SLCO2A1: variants seen among roughly 807,000 people sequenced by gnomAD.
SLCO2A1 encodes matrin F/G 1.
Under a neutral mutation model 71.7 loss-of-function variants are expected in SLCO2A1, and 60 were observed. That is an observed-to-expected ratio of 0.84 (90% CI 0.68 to 1.04). The LOEUF is 1.04. Among genes scored for constraint, SLCO2A1 ranks in the 50% least tolerant of loss-of-function variants. The probability of loss-of-function intolerance (pLI) is 0.00; values close to 1 mark genes in which losing one functional copy is unlikely to be tolerated. For missense variants in SLCO2A1, 745 were observed against 813.4 expected (o/e 0.92, Z 1.02); for synonymous variants, 308 against 326.7 (o/e 0.94, Z 0.62).
At chr3:133,949,058 G>T in intron 6 of SLCO2A1, 87 bp from the exon 7 acceptor site, 3 of 1,195,598 alleles carry the variant, frequency 2.5e-6, no homozygotes, top group Non-Finnish European at 3.7e-6. Flanking sequence ...GGCCTCAGAA[G>T]CTCAGGGCTG....
At position 133,943,662 on chromosome 3, in the gene SLCO2A1, G is replaced by C. The variant is rs182244472; in HGVS notation, c.1462-894C>G. On this transcript the variant is annotated intron_variant, in intron 10 of 13. Coordinates refer to ENST00000310926, the MANE Select transcript of SLCO2A1 (RefSeq NM_005630.3). ...GTTTTTGTCTTGAGGTATGTATGCT[G>C]TTACGGGAAACTTGCCAAGATTATT... Among the ~76,000 whole-genome samples, 960 of 152,126 alleles carry C rather than the reference G, an allele frequency of 6.3e-3. 11 individuals are homozygous for C. The highest frequency in any genetic ancestry group is 0.022 in the African/African-American group (902 of 41,486).
intron 1 of SLCO2A1, among the ~76,000 whole-genome samples, chr3:133,985,858 T>C (rs911807571): frequency 9.9e-5 from 15 of 152,224 alleles, no homozygotes; most frequent in Admixed American, 7.8e-4. Context: ...GTTCCAGTGG[T>C]CTGTCTGCAA....
At chr3:133,962,552 G>A (rs1387494973) in intron 3 of SLCO2A1, among the ~76,000 whole-genome samples, 2 of 152,124 alleles carry the variant, frequency 1.3e-5, no homozygotes, top group South Asian at 2.1e-4. Context: ...CTGATCTAGC[G>A]ACATTGATAA....
rs1934538700 is a variant in SLCO2A1 at position 133,979,615 on chromosome 3, A to C, written c.100T>G (p.Phe34Val). Reference sequence around the variant, plus strand: ...TGCAGGAGGCCTTGGCAGAGCACAAACACCTGGGGGAAGAGTGATGGGCCC... The same window carrying C: ...TGCAGGAGGCCTTGGCAGAGCACAACCACCTGGGGGAAGAGTGATGGGCCC... ...ARSVFGNIKV[F>V]VLCQGLLQLC... Residue 34 changes from phenylalanine to valine, a missense_variant, in exon 2 of 14, where the codon TTT (phenylalanine) becomes GTT (valine). Physicochemically the swap from Phe to Val is conservative, Grantham distance 50 (BLOSUM62 -1). Coordinates refer to ENST00000310926, the MANE Select transcript of SLCO2A1 (RefSeq NM_005630.3). 3 of 1,609,912 alleles carry C rather than the reference A, an allele frequency of 1.9e-6. No individual in the cohort carries two copies. The highest frequency in any genetic ancestry group is 1.7e-6 in the Non-Finnish European group (2 of 1,178,096).
intron 3 of SLCO2A1, among the ~76,000 whole-genome samples, chr3:133,959,543 C>T (rs1235511005): frequency 2.0e-5 from 3 of 152,010 alleles, no homozygotes; most frequent in Non-Finnish European, 4.4e-5. Flanking sequence ...GAATCATCAA[C>T]ACTGGGCGTG....
At chr3:133,984,837 A>G (rs1311851219) in intron 1 of SLCO2A1, among the ~76,000 whole-genome samples, 1 of 152,230 alleles carries the variant, frequency 6.6e-6, no homozygotes, top group Non-Finnish European at 1.5e-5. Flanking sequence ...GCCTAGGTTC[A>G]GGTCTTGACT....
intron 1 of SLCO2A1, among the ~76,000 whole-genome samples, chr3:133,996,600 CCTT>C (rs1459220992): frequency 6.6e-6 from 1 of 152,206 alleles, no homozygotes; most frequent in African/African-American, 2.4e-5. Flanking sequence ...GACAGACACA[CCTT>C]CTGGCATGGG....
chr3:133,934,655 G>C lies in SLCO2A1; in HGVS notation c.*58C>G. On this transcript the variant is annotated 3_prime_UTR_variant, in exon 14 of 14. Coordinates refer to ENST00000310926, the MANE Select transcript of SLCO2A1 (RefSeq NM_005630.3). ...GACGTGTTAACATTAGTGAGTATAGGCAGGTGTGGAAGAGTCAAGGTCCAC... is the reference window on the plus strand; with the variant it reads ...GACGTGTTAACATTAGTGAGTATAGCCAGGTGTGGAAGAGTCAAGGTCCAC... 1 of 1,151,612 alleles carries C rather than the reference G, an allele frequency of 8.7e-7. No individual in the cohort carries two copies. Among genetic ancestry groups the C allele is most frequent in the Non-Finnish European group, 1.3e-6 (1 of 763,354 alleles). 71.3% of individuals were successfully genotyped at this position (1,151,612 alleles called of 1,614,324 possible). A position where few individuals can be genotyped will look rare whatever the true frequency, so the allele number is the denominator to read the frequency against.
At chr3:133,993,131 C>T (rs1934889791) in intron 1 of SLCO2A1, among the ~76,000 whole-genome samples, 1 of 152,246 alleles carries the variant, frequency 6.6e-6, no homozygotes, top group African/African-American at 2.4e-5. Flanking sequence ...AAAGTACTAG[C>T]CCCAGAGCTC....
chr3:134,025,274 T>C (rs1303475741), intron 1 of SLCO2A1, among the ~76,000 whole-genome samples: 2 of 152,162 alleles, frequency 1.3e-5, no homozygotes, highest in East Asian at 3.8e-4. Flanking sequence ...ATAAGCGTAC[T>C]GGAACTCTAA....
intron 1 of SLCO2A1, among the ~76,000 whole-genome samples, chr3:134,025,030 A>C (rs1440230305): frequency 3.3e-5 from 5 of 151,948 alleles, no homozygotes; most frequent in Admixed American, 2.6e-4. Context: ...ACCCCTGCAA[A>C]GTGACTCTGA....
At chr3:133,936,381 G>A (rs1225686733) in intron 12 of SLCO2A1, among the ~76,000 whole-genome samples, 1 of 152,146 alleles carries the variant, frequency 6.6e-6, no homozygotes, top group Non-Finnish European at 1.5e-5. Context: ...GTTTATGGAG[G>A]TTCGAATCCC....
chr3:133,946,263 C>T (rs904464912), intron 9 of SLCO2A1, among the ~76,000 whole-genome samples: 3 of 149,778 alleles, frequency 2.0e-5, no homozygotes, highest in African/African-American at 7.4e-5. Context: ...AGAGAAAATA[C>T]CAGGGCTGAA....
intron 3 of SLCO2A1, among the ~76,000 whole-genome samples, chr3:133,972,406 A>G (rs1934345814): frequency 6.6e-6 from 1 of 152,194 alleles, no homozygotes; most frequent in African/African-American, 2.4e-5. Flanking sequence ...ATGTGAAGCC[A>G]TATGTAAAAG....
chr3:133,975,208 T>C (rs967870079), intron 2 of SLCO2A1, among the ~76,000 whole-genome samples: 2 of 152,268 alleles, frequency 1.3e-5, no homozygotes, highest in South Asian at 4.1e-4. Flanking sequence ...TCTCAGCTCA[T>C]CTAAACTCTC....
intron 1 of SLCO2A1, among the ~76,000 whole-genome samples, chr3:133,989,492 T>C (rs1934791472): frequency 1.3e-5 from 2 of 152,346 alleles, no homozygotes; most frequent in East Asian, 3.9e-4. Context: ...TGAGCAACAC[T>C]GGACAGGCAT....
In SLCO2A1 at chr3:133,948,576, C is replaced by T; in HGVS notation, c.1065G>A (p.Lys355=). The T allele has an allele frequency of 6.2e-7, 1 of 1,614,140 alleles. No individual in the cohort carries two copies. The highest frequency in any genetic ancestry group is 8.5e-7 in the Non-Finnish European group (1 of 1,180,008). Reference sequence around the variant, plus strand: ...CATAGGCTGCTGAGGTGCCATACTGCTTCTCCAGGAACTTGTTGAGGAAGG... The same window carrying T: ...CATAGGCTGCTGAGGTGCCATACTGTTTCTCCAGGAACTTGTTGAGGAAGG... ...LSTFLNKFLE[K]QYGTSAAYAN... is the part of the protein sequence containing the mutation. Residue 355 remains lysine, a synonymous_variant, in exon 8 of 14, where the codon AAG becomes AAA. Transcript: ENST00000310926.
intron 12 of SLCO2A1, among the ~76,000 whole-genome samples, chr3:133,936,156 C>T (rs1338049280): frequency 1.3e-5 from 2 of 152,148 alleles, no homozygotes; most frequent in Admixed American, 6.5e-5. Context: ...ACCTTGATGC[C>T]GGCTCAGACA....
chr3:133,977,336 T>A (rs1032952415), intron 2 of SLCO2A1, among the ~76,000 whole-genome samples: 2 of 152,306 alleles, frequency 1.3e-5, no homozygotes, highest in East Asian at 3.9e-4. Flanking sequence ...TTGAACTCCA[T>A]CCCTGGGAAA....
Sources: allele counts gnomAD v4.1 joint callset (sites outside exome capture counted in the v4.1 genomes callset), GRCh38; gene constraint gnomAD v4.1.1; transcripts MANE v1.5; gene names NCBI Gene and HGNC (gene_info 2026-07-23, HGNC 2026-07-21).